MAGI3: variants seen among roughly 807,000 people sequenced by gnomAD.
MAGI3 encodes membrane associated guanylate kinase, WW and PDZ domain containing 3.
Under a neutral mutation model 121.8 loss-of-function variants are expected in MAGI3, and 43 were observed. The observed-to-expected ratio is 0.35, with a 90% confidence interval of 0.28 to 0.46. The LOEUF is 0.46. Ranked by LOEUF, MAGI3 falls within the 20% of genes least tolerant of loss-of-function variation. The pLI is 1.00. For synonymous variants in MAGI3, 553 were observed against 639.3 expected (o/e 0.86, Z 2.04); for missense variants, 1,547 against 1,797.3 (o/e 0.86, Z 2.52).
chr1:113,653,511 G>T (rs1407656531), intron 14 of MAGI3, among the ~76,000 whole-genome samples: 3 of 151,910 alleles, frequency 2.0e-5, no homozygotes, highest in Non-Finnish European at 4.4e-5. Flanking sequence ...AGCAGAGGTT[G>T]CAATGAGCCG....
chr1:113,590,266 C>T (rs558019245), intron 4 of MAGI3, among the ~76,000 whole-genome samples: 12 of 152,062 alleles, frequency 7.9e-5, no homozygotes, highest in Non-Finnish European at 1.6e-4. Context: ...CTTTCCAAGA[C>T]TAGCATCAGA....
At chr1:113,663,374 G>A (rs564386039) in intron 16 of MAGI3, among the ~76,000 whole-genome samples, 8 of 151,014 alleles carry the variant, frequency 5.3e-5, no homozygotes, top group African/African-American at 1.5e-4. Flanking sequence ...CCATTCTCTC[G>A]AAACCCCCAT....
intron 1 of MAGI3, among the ~76,000 whole-genome samples, chr1:113,416,645 A>G (rs962792420): frequency 1.3e-5 from 2 of 150,208 alleles, no homozygotes; most frequent in African/African-American, 4.9e-5. Context: ...TCAGGTATCA[A>G]AGTTAACAAA....
intron 16 of MAGI3, among the ~76,000 whole-genome samples, chr1:113,671,027 C>T (rs1370428893): frequency 1.3e-5 from 2 of 152,168 alleles, no homozygotes; most frequent in Non-Finnish European, 2.9e-5. Flanking sequence ...GTTTAATTGT[C>T]GCCTCCTTGC....
intron 20 of MAGI3, 154 bp from the exon 21 acceptor site, chr1:113,682,743 T>C: frequency 1.0e-6 from 1 of 983,462 alleles, no homozygotes; most frequent in Non-Finnish European, 1.2e-6. Context: ...TCCGCCTTTA[T>C]AGAGAGATAT....
intron 6 of MAGI3, among the ~76,000 whole-genome samples, chr1:113,608,044 T>G (rs1176371536): frequency 6.6e-6 from 1 of 152,212 alleles, no homozygotes; most frequent in African/African-American, 2.4e-5. Context: ...TTCTGTCATT[T>G]TCTTGCAAGT....
chr1:113,408,210 A>G (rs965013805), intron 1 of MAGI3, among the ~76,000 whole-genome samples: 2 of 152,136 alleles, frequency 1.3e-5, no homozygotes, highest in African/African-American at 2.4e-5. Context: ...TTTTTGCTGT[A>G]TGTTTGTTTA....
At chr1:113,532,716 G>A (rs1010801558) in intron 1 of MAGI3, among the ~76,000 whole-genome samples, 12 of 152,192 alleles carry the variant, frequency 7.9e-5, no homozygotes, top group South Asian at 4.2e-4. Context: ...AAAGTATCTC[G>A]TGTTTACTGA....
intron 16 of MAGI3, among the ~76,000 whole-genome samples, chr1:113,659,678 C>T (rs1653679255): frequency 6.6e-6 from 1 of 152,162 alleles, no homozygotes; most frequent in African/African-American, 2.4e-5. Flanking sequence ...GTGTGCCTTT[C>T]CTTGGGGACA....
chr1:113,477,557 C>A (rs1655892307), intron 1 of MAGI3, among the ~76,000 whole-genome samples: 1 of 152,196 alleles, frequency 6.6e-6, no homozygotes, highest in African/African-American at 2.4e-5. Flanking sequence ...TATCGGCCCC[C>A]ACTGTCTTTT....
At chr1:113,629,779 C>T (rs1165584227) in intron 9 of MAGI3, among the ~76,000 whole-genome samples, 1 of 142,366 alleles carries the variant, frequency 7.0e-6, no homozygotes, top group Non-Finnish European at 1.5e-5. Flanking sequence ...TCCCTCCCTC[C>T]CTCCCTCACT....
rs569631953 is a variant in MAGI3 at position 113,519,875 on chromosome 1, G to C, written c.317-29640G>C. Among the ~76,000 whole-genome samples the C allele has an allele frequency of 2.0e-5, 3 of 152,320 alleles. No homozygotes were observed. In the East Asian group the frequency reaches 5.8e-4, roughly 29 times the overall value. ...TAGGCAAAATGAGATATTCTTATCAGGGAATAGTAGGAACTCTCCCAAAAT... is the reference window on the plus strand; with the variant it reads ...TAGGCAAAATGAGATATTCTTATCACGGAATAGTAGGAACTCTCCCAAAAT... On this transcript the variant is annotated intron_variant, in intron 1 of 20. Coordinates refer to ENST00000307546, the MANE Select transcript of MAGI3 (RefSeq NM_001142782.2).
Position 113,683,502 on chromosome 1 carries a change from A to G in MAGI3, c.3934A>G (p.Lys1312Glu), listed in dbSNP as rs1648345482. The change falls in exon 21 of 21, where the codon AAG becomes GAG. Residue 1312 changes from lysine to glutamate, a missense_variant. Coordinates refer to ENST00000307546, the MANE Select transcript of MAGI3 (RefSeq NM_001142782.2). ...SNAEAKLLEG[K>E]SRRIAGYTGS... is the part of the protein sequence containing the mutation. ...TGCTGAGGCCAAATTATTAGAGGGT[A>G]AGAGTCGAAGAATAGCAGGCTATAC... 1 of 1,613,992 alleles carries G rather than the reference A, an allele frequency of 6.2e-7. No homozygotes were observed. The highest frequency in any genetic ancestry group is 8.5e-7 in the Non-Finnish European group (1 of 1,179,878).
chr1:113,612,994 C>A (rs183481868), intron 6 of MAGI3, among the ~76,000 whole-genome samples: 90 of 152,088 alleles, frequency 5.9e-4, no homozygotes, highest in Non-Finnish European at 1.0e-3. Flanking sequence ...CTATTCAGTT[C>A]CCATGCTATT....
intron 1 of MAGI3, among the ~76,000 whole-genome samples, chr1:113,468,817 T>C (rs1023793734): frequency 1.3e-5 from 2 of 152,190 alleles, no homozygotes; most frequent in African/African-American, 4.8e-5. Flanking sequence ...AAATTCTACA[T>C]GTGGCTCACA....
chr1:113,653,715 A>G, intron 14 of MAGI3, 115 bp from the exon 15 acceptor site: 1 of 899,168 alleles, frequency 1.1e-6, no homozygotes, highest in Admixed American at 2.9e-5. Flanking sequence ...CTGCTTTTCT[A>G]TTCTTTATGT....
At chr1:113,621,371 G>T (rs1650806868) in intron 8 of MAGI3, among the ~76,000 whole-genome samples, 1 of 152,132 alleles carries the variant, frequency 6.6e-6, no homozygotes, top group Admixed American at 6.6e-5. Flanking sequence ...ATATGTGTTG[G>T]ATTTGACAGT....
intron 5 of MAGI3, among the ~76,000 whole-genome samples, chr1:113,594,102 G>A (rs1648851840): frequency 6.6e-6 from 1 of 152,206 alleles, no homozygotes; most frequent in Non-Finnish European, 1.5e-5. Flanking sequence ...GAAGAAGAAA[G>A]GAGTTCAGCC....
At position 113,642,299 on chromosome 1, in the gene MAGI3, G is replaced by A. The variant is rs2208673; in HGVS notation, c.1749G>A (p.Lys583=). 6.2e-7 allele frequency: 1 copy of A among 1,614,050 alleles called. No homozygotes were observed. Among genetic ancestry groups the A allele is most frequent in the African/African-American group, 1.3e-5 (1 of 74,922 alleles). ...QPELVTIPLI[K]GPKGFGFAIA... ...AACTAGTGACTATCCCTTTGATTAA[G>A]GGCCCTAAAGGGTTTGGGTTTGCAA... The change falls in exon 10 of 21, where the codon AAG becomes AAA. Residue 583 remains lysine, a synonymous_variant. Coordinates refer to ENST00000307546, the MANE Select transcript of MAGI3 (RefSeq NM_001142782.2).
Sources: gnomAD v4.1 joint callset for allele counts (sites outside exome capture counted in the v4.1 genomes callset) on GRCh38, gnomAD v4.1.1 for gene constraint, MANE v1.5 for transcripts, NCBI Gene and HGNC (gene_info 2026-07-23, HGNC 2026-07-21) for gene names.